The following CCDC85C variants were observed in gnomAD, a reference collection of about 807,000 sequenced individuals.
CCDC85C encodes the protein coiled-coil domain-containing protein 85C.
In CCDC85C, 18 loss-of-function variants were observed where a neutral mutation model predicts 38.3. The ratio of observed to expected loss-of-function variants is 0.47; its 90% confidence interval spans 0.33 to 0.70. CCDC85C has a LOEUF of 0.70. CCDC85C is among the 30% of genes least tolerant of loss of function. The pLI is 0.03. For synonymous variants in CCDC85C, 264 were observed against 293.8 expected, an observed-to-expected ratio of 0.90 and a Z score of 1.04; for missense variants, 566 against 621.2, an observed-to-expected ratio of 0.91 and a Z score of 0.94.
chr14:99,558,900 C>T lies in CCDC85C; in HGVS notation c.794-22812G>A, dbSNP rs1898061223. On this transcript the variant is annotated intron_variant, in intron 1 of 5. Coordinates refer to ENST00000380243, the MANE Select transcript of CCDC85C (RefSeq NM_001144995.2). The surrounding 1 kb of genome is among the most constrained non-coding windows in gnomAD (Gnocchi z 4.2). The stretch of plus-strand genomic sequence containing the variant: ...GGTGACCGGATCATCCGGGTGGTTT[C>T]TGATGGTTTAGTGCCACCCCCTATT... Among the ~76,000 whole-genome samples the T allele has an allele frequency of 6.6e-6, 1 of 152,170 alleles. No homozygotes were observed. Among genetic ancestry groups the T allele is most frequent in the Non-Finnish European group, 1.5e-5 (1 of 68,024 alleles).
intron 1 of CCDC85C, among the ~76,000 whole-genome samples, chr14:99,589,858 AC>A (rs2055066947): frequency 6.6e-6 from 1 of 152,100 alleles, no homozygotes; most frequent in South Asian, 2.1e-4. Flanking sequence ...CCCTGCCTGC[AC>A]CCAGGGGTTC....
At chr14:99,583,550 T>C (rs1313339372) in intron 1 of CCDC85C, among the ~76,000 whole-genome samples, 1 of 150,766 alleles carries the variant, frequency 6.6e-6, no homozygotes, top group Non-Finnish European at 1.5e-5. Flanking sequence ...CTCATGCCTG[T>C]TATCCCAGCA....
In CCDC85C at chr14:99,603,641, G is replaced by A. The variant is rs1347879450; in HGVS notation, c.319C>T (p.Arg107Cys). 6.8e-7 allele frequency: 1 copy of A among 1,473,926 alleles called. No homozygotes were observed. Among genetic ancestry groups the A allele is most frequent in the South Asian group, 1.3e-5 (1 of 77,942 alleles). The allele number at this position is 1,473,926 out of a possible 1,614,324, so 91.3% of individuals were successfully genotyped here. A position where few individuals can be genotyped will look rare whatever the true frequency, so the allele number is the denominator to read the frequency against. ...GCGCCGGCCGCGTGGCGCCCGAAGCGCTGCCACTCGCGCGCCAGCTTGCGC... is the reference window on the plus strand; with the variant it reads ...GCGCCGGCCGCGTGGCGCCCGAAGCACTGCCACTCGCGCGCCAGCTTGCGC... ...KGRKLAREWQ[R>C]FGRHAAGAVW... The change falls in exon 1 of 6, where the codon CGC becomes TGC. Residue 107 changes from arginine to cysteine, a missense_variant. Coordinates refer to ENST00000380243, the MANE Select transcript of CCDC85C (RefSeq NM_001144995.2). This position sits in a 1 kb window ranked among gnomAD's most constrained non-coding sequence, Gnocchi z 7.5.
At chr14:99,521,859 G>A (rs572146919) in intron 3 of CCDC85C, among the ~76,000 whole-genome samples, 9 of 152,354 alleles carry the variant, frequency 5.9e-5, no homozygotes, top group Non-Finnish European at 1.3e-4. Flanking sequence ...GCCAAGGAGT[G>A]GCACAGGCTA....
Position 99,569,727 on chromosome 14 carries a change from C to T in CCDC85C, c.793+33440G>A, listed in dbSNP as rs574611752. ...GCACCTCTGCTTCCCCCCAACATGT[C>T]ACACACCCCACATTTCAGGTGCAAT... is the stretch of plus-strand genomic sequence containing the variant. On this transcript the variant is annotated intron_variant, in intron 1 of 5. Transcript: ENST00000380243. The surrounding 1 kb of genome is among the most constrained non-coding windows in gnomAD (Gnocchi z 4.3). Among the ~76,000 whole-genome samples, 4 of 152,166 alleles carry T rather than the reference C, an allele frequency of 2.6e-5. No homozygotes were observed. The highest frequency in any genetic ancestry group is 5.9e-5 in the Non-Finnish European group (4 of 68,036).
chr14:99,542,361 T>G (rs935012381), intron 1 of CCDC85C, among the ~76,000 whole-genome samples: 1 of 152,138 alleles, frequency 6.6e-6, no homozygotes, highest in African/African-American at 2.4e-5. Context: ...TACCACCAAC[T>G]GCGGGGAGCT....
At chr14:99,515,710 G>A (rs935509805) in intron 5 of CCDC85C, among the ~76,000 whole-genome samples, 2 of 152,096 alleles carry the variant, frequency 1.3e-5, no homozygotes, top group Admixed American at 6.5e-5. Flanking sequence ...CAAGGAGACC[G>A]CCGATGGTGC....
intron 1 of CCDC85C, among the ~76,000 whole-genome samples, chr14:99,567,591 G>T (rs183565997): frequency 1.3e-5 from 2 of 152,190 alleles, no homozygotes; most frequent in Admixed American, 1.3e-4. Context: ...TTGGGAGGCC[G>T]AAGTGGGCAG....
At chr14:99,560,843 G>T (rs549281093) in intron 1 of CCDC85C, among the ~76,000 whole-genome samples, 1 of 152,224 alleles carries the variant, frequency 6.6e-6, no homozygotes, top group Non-Finnish European at 1.5e-5. Context: ...AGGGCCCATG[G>T]GAGCCAAGCC....
chr14:99,502,246 C>G lies in CCDC85C; in HGVS notation c.*13000G>C. 6.2e-7 allele frequency: 1 copy of G among 1,603,916 alleles called. No homozygotes were observed. On this transcript the variant is annotated 3_prime_UTR_variant, in exon 6 of 6. Transcript: ENST00000380243. ...TGTCACTGCAGTGGGAACCAGAGAT[C>G]ATAGCAGTAGCAGTGATGTATCTCG...
At chr14:99,524,399 G>C (rs965879016) in intron 2 of CCDC85C, among the ~76,000 whole-genome samples, 2 of 152,010 alleles carry the variant, frequency 1.3e-5, no homozygotes, top group South Asian at 2.1e-4. Flanking sequence ...TGCTGTTACC[G>C]AAAACGCAGG....
Position 99,545,217 on chromosome 14 carries a change from A to C in CCDC85C, c.794-9129T>G, listed in dbSNP as rs1595355018. 6.6e-6 allele frequency among the ~76,000 whole-genome samples: 1 copy of C among 151,782 alleles called. No individual in the cohort carries two copies. The highest frequency in any genetic ancestry group is 6.6e-5 in the Admixed American group (1 of 15,224). On this transcript the variant is annotated intron_variant, in intron 1 of 5. Coordinates refer to ENST00000380243, the MANE Select transcript of CCDC85C (RefSeq NM_001144995.2). This position sits in a 1 kb window ranked among gnomAD's most constrained non-coding sequence, Gnocchi z 4.7. Reference sequence around the variant, plus strand: ...CACACCGGCTGCCTGCCTCTCCCACACATCAGCTGCCTGCCTCTCCCCAGC... The same window carrying C: ...CACACCGGCTGCCTGCCTCTCCCACCCATCAGCTGCCTGCCTCTCCCCAGC...
rs1161083825 is a variant in CCDC85C, at chr14:99,516,226, TC to T, written c.1131del (p.Ser378ValfsTer139). ...RQLQDSCEED[L>X]SEKEKAIVRE... ...CGAACGATGGCCTTCTCCTTCTCAC[TC>T]AGGTCCTCCTCACAGCTGTCCTGGA... On this transcript the variant is annotated frameshift_variant, in exon 5 of 6. Coordinates refer to ENST00000380243, the MANE Select transcript of CCDC85C (RefSeq NM_001144995.2). LOFTEE classifies it high-confidence loss of function. This position sits in a 1 kb window ranked among gnomAD's most constrained non-coding sequence, Gnocchi z 5.5. 1 of 1,551,214 alleles carries T rather than the reference TC, an allele frequency of 6.4e-7. No homozygotes were observed. The highest frequency in any genetic ancestry group is 2.0e-5 in the Admixed American group (1 of 50,996).
intron 2 of CCDC85C, among the ~76,000 whole-genome samples, chr14:99,531,256 G>A (rs1270054131): frequency 2.6e-5 from 4 of 152,150 alleles, no homozygotes; most frequent in Admixed American, 6.5e-5. Context: ...AGAATATCAG[G>A]AGAGCTCCCT....
chr14:99,555,661 G>C (rs1467262838), intron 1 of CCDC85C, among the ~76,000 whole-genome samples: 1 of 152,230 alleles, frequency 6.6e-6, no homozygotes, highest in African/African-American at 2.4e-5. Flanking sequence ...ATTAAATGTG[G>C]AAGGAGGTGG....
Position 99,604,103 on chromosome 14 carries a change from T to A in CCDC85C, c.-144A>T. 4 of 468,880 alleles carry A rather than the reference T, an allele frequency of 8.5e-6. No individual in the cohort carries two copies. Among genetic ancestry groups the A allele is most frequent in the Non-Finnish European group, 1.1e-5 (4 of 366,788 alleles). 29.0% of individuals were successfully genotyped at this position (468,880 alleles called of 1,614,324 possible). A position where few individuals can be genotyped will look rare whatever the true frequency, so the allele number is the denominator to read the frequency against. On this transcript the variant is annotated 5_prime_UTR_variant, in exon 1 of 6. Transcript: ENST00000380243. ...GCCCCGCGCCGCCTGGCGCGTCCTC[T>A]CGCCGCGCCCGCCGGGGCCGCCCGG...
intron 2 of CCDC85C, among the ~76,000 whole-genome samples, chr14:99,525,825 C>G (rs1452632903): frequency 1.3e-5 from 2 of 152,228 alleles, no homozygotes; most frequent in African/African-American, 4.8e-5. Flanking sequence ...GAGGGGCCAC[C>G]TGGCGCGACT....
At chr14:99,521,118 C>T (rs1445575882) in intron 3 of CCDC85C, among the ~76,000 whole-genome samples, 1 of 152,224 alleles carries the variant, frequency 6.6e-6, no homozygotes, top group Non-Finnish European at 1.5e-5. Flanking sequence ...CTCCCTCCCA[C>T]GATCTGAATG....
chr14:99,517,018 C>G (rs1484948616), intron 4 of CCDC85C, 70 bp downstream of exon 4: 1 of 1,422,424 alleles, frequency 7.0e-7, no homozygotes, highest in Non-Finnish European at 9.7e-7. Context: ...CCCCTAGGTG[C>G]AAAGGTCCCA....
Sources: allele counts gnomAD v4.1 joint callset (sites outside exome capture counted in the v4.1 genomes callset), GRCh38; gene constraint gnomAD v4.1.1; non-coding constraint Gnocchi (gnomAD v3.1); transcripts MANE v1.5; gene names NCBI Gene and HGNC (gene_info 2026-07-23, HGNC 2026-07-21).